The following TESK2 variants were observed in gnomAD, a reference collection of about 807,000 sequenced individuals.
TESK2 encodes dual specificity testis-specific protein kinase 2.
Under a neutral mutation model 57.1 loss-of-function variants are expected in TESK2, and 39 were observed. The ratio of observed to expected loss-of-function variants is 0.68; its 90% CI spans 0.53 to 0.89. TESK2 has a LOEUF of 0.89. Ranked by LOEUF, TESK2 falls within the 40% of genes least tolerant of loss-of-function variation. The pLI is 0.00. For synonymous variants in TESK2, 249 were observed against 267.9 expected (o/e 0.93, Z 0.69); for missense variants, 646 against 732.1 (o/e 0.88, Z 1.36).
intron 2 of TESK2, among the ~76,000 whole-genome samples, chr1:45,436,572 C>A (rs1011847913): frequency 6.8e-6 from 1 of 146,258 alleles, no homozygotes; most frequent in East Asian, 2.1e-4. Context: ...TCACCGCAAC[C>A]TCCACCTTCC....
At chr1:45,379,603 A>G (rs1251402857) in intron 4 of TESK2, among the ~76,000 whole-genome samples, 1 of 152,262 alleles carries the variant, frequency 6.6e-6, no homozygotes, top group African/African-American at 2.4e-5. Flanking sequence ...ATCAACCCGC[A>G]TAAACAAGAA....
chr1:45,489,464 A>T (rs1002918634), intron 1 of TESK2, among the ~76,000 whole-genome samples: 4 of 152,106 alleles, frequency 2.6e-5, no homozygotes, highest in Non-Finnish European at 4.4e-5. Context: ...TTCAGACCCA[A>T]ATTTCCAGAT....
At chr1:45,443,152 G>A (rs1651509854) in intron 2 of TESK2, among the ~76,000 whole-genome samples, 1 of 152,122 alleles carries the variant, frequency 6.6e-6, no homozygotes, top group Non-Finnish European at 1.5e-5. Flanking sequence ...CACTTTGTGT[G>A]GCCAAGGTGG....
At chr1:45,359,613 T>C (rs1291103825) in intron 4 of TESK2, among the ~76,000 whole-genome samples, 2 of 145,850 alleles carry the variant, frequency 1.4e-5, no homozygotes, top group African/African-American at 2.6e-5. Context: ...CCTGTATTCC[T>C]AGCACTTTGG....
Position 45,446,230 on chromosome 1 carries a change from T to C in TESK2, c.222+11334A>G, listed in dbSNP as rs377067040. Among the ~76,000 whole-genome samples the C allele has an allele frequency of 1.3e-4, 19 of 150,978 alleles. No homozygotes were observed. In the East Asian group the frequency reaches 3.1e-3, roughly 25 times the overall value. On this transcript the variant is annotated intron_variant, in intron 2 of 10. Coordinates refer to ENST00000372086, the MANE Select transcript of TESK2 (RefSeq NM_007170.3). ...CCAGGATAGCTCAAGATATCCAAGG[T>C]AGGCGGATCACTTGAGGCCAGGAGT...
At chr1:45,384,324 T>C (rs11800673) in intron 4 of TESK2, among the ~76,000 whole-genome samples, 11 of 60,890 alleles carry the variant, frequency 1.8e-4, no homozygotes, top group African/African-American at 7.9e-4. Flanking sequence ...GGTCTCACTC[T>C]ATGTATGTAT....
intron 4 of TESK2, among the ~76,000 whole-genome samples, chr1:45,384,610 T>TATTTTA (rs1553147549): frequency 3.2e-5 from 4 of 123,648 alleles, no homozygotes; most frequent in African/African-American, 9.5e-5. Context: ...TTTTTTTTTT[T>TATTTTA]TTTTTTTTTT....
intron 3 of TESK2, among the ~76,000 whole-genome samples, chr1:45,388,041 AAAAAT>A (rs1323701979): frequency 2.0e-5 from 3 of 152,200 alleles, no homozygotes; most frequent in African/African-American, 7.2e-5. Context: ...AATTAATAAT[AAAAAT>A]AAAATAAGAT....
intron 3 of TESK2, among the ~76,000 whole-genome samples, chr1:45,405,181 T>G (rs1431060697): frequency 6.6e-6 from 1 of 152,142 alleles, no homozygotes; most frequent in African/African-American, 2.4e-5. Context: ...CAAGATCCCC[T>G]AAATTACTAC....
chr1:45,371,766 G>A (rs934508478), intron 4 of TESK2, among the ~76,000 whole-genome samples: 1 of 152,114 alleles, frequency 6.6e-6, no homozygotes, highest in African/African-American at 2.4e-5. Context: ...TACTTGGGAG[G>A]CTGAGGTGGG....
intron 1 of TESK2, among the ~76,000 whole-genome samples, chr1:45,471,143 A>G (rs1652747842): frequency 6.6e-6 from 1 of 152,072 alleles, no homozygotes; most frequent in Non-Finnish European, 1.5e-5. Flanking sequence ...AGGCAGAAGA[A>G]TCACTTGAAC....
Position 45,345,276 on chromosome 1 carries a change from A to G in TESK2, c.1280T>C (p.Val427Ala), listed in dbSNP as rs1557535652. Residue 427 changes from valine to alanine, a missense_variant, in exon 11 of 11, where the codon GTA (valine) becomes GCA (alanine). Physicochemically the swap from Val to Ala is moderately conservative, Grantham distance 64 (BLOSUM62 0). Transcript: ENST00000372086. ...DLPSKSVISL[V>A]FDLDAPGPGT... is the part of the protein sequence containing the mutation. ...GGGCCCTGGTGCATCCAGGTCAAATACCAGAGAGATGACAGACTTGCTGGG... is the reference window on the plus strand; with the variant it reads ...GGGCCCTGGTGCATCCAGGTCAAATGCCAGAGAGATGACAGACTTGCTGGG... 1 of 1,614,146 alleles carries G rather than the reference A, an allele frequency of 6.2e-7. No individual in the cohort carries two copies.
intron 1 of TESK2, among the ~76,000 whole-genome samples, chr1:45,464,075 A>G (rs909324814): frequency 6.6e-6 from 1 of 152,042 alleles, no homozygotes; most frequent in African/African-American, 2.4e-5. Flanking sequence ...GAAGAGTGTC[A>G]CTGGTATTTT....
At chr1:45,454,255 G>C (rs1198470652) in intron 2 of TESK2, among the ~76,000 whole-genome samples, 3 of 151,966 alleles carry the variant, frequency 2.0e-5, no homozygotes, top group Non-Finnish European at 4.4e-5. Context: ...GGGGTTGGGG[G>C]GAATGGAGAA....
intron 4 of TESK2, among the ~76,000 whole-genome samples, chr1:45,356,070 A>C (rs910703997): frequency 6.6e-5 from 10 of 152,186 alleles, no homozygotes; most frequent in African/African-American, 2.4e-4. Context: ...TGATAGATGG[A>C]TTAGAGTGAA....
intron 2 of TESK2, among the ~76,000 whole-genome samples, chr1:45,446,246 G>A (rs1456841474): frequency 1.3e-5 from 2 of 151,334 alleles, no homozygotes; most frequent in African/African-American, 4.9e-5. Context: ...GATCACTTGA[G>A]GCCAGGAGTT....
chr1:45,390,794 G>T (rs1292810638), intron 3 of TESK2, among the ~76,000 whole-genome samples: 1 of 151,290 alleles, frequency 6.6e-6, no homozygotes, highest in Non-Finnish European at 1.5e-5. Context: ...TTATCATAGC[G>T]ATAGGGTCTC....
rs143500733 is a variant in TESK2 at position 45,435,217 on chromosome 1, C to T, written c.223-13371G>A. 5.7e-4 allele frequency among the ~76,000 whole-genome samples: 86 copies of T among 152,088 alleles called. No individual in the cohort carries two copies. The East Asian group carries it at 0.013, about 23-fold the overall frequency. On this transcript the variant is annotated intron_variant, in intron 2 of 10. Coordinates refer to ENST00000372086, the MANE Select transcript of TESK2 (RefSeq NM_007170.3). Reference sequence around the variant, plus strand: ...TCACAGCTCACTGCAGCCTCAACTTCCTAGGCTCAACCAATCCTCTCACCT... The same window carrying T: ...TCACAGCTCACTGCAGCCTCAACTTTCTAGGCTCAACCAATCCTCTCACCT...
At chr1:45,487,643 A>G (rs925395569) in intron 1 of TESK2, among the ~76,000 whole-genome samples, 2 of 152,148 alleles carry the variant, frequency 1.3e-5, no homozygotes, top group Non-Finnish European at 2.9e-5. Context: ...TTATTCTCTA[A>G]GTACACCAGC....
Sources: gnomAD v4.1 joint callset for allele counts (sites outside exome capture counted in the v4.1 genomes callset) on GRCh38, gnomAD v4.1.1 for gene constraint, MANE v1.5 for transcripts, NCBI Gene and HGNC (gene_info 2026-07-23, HGNC 2026-07-21) for gene names.